The following NRXN1 variants were observed in gnomAD, a reference collection of about 807,000 sequenced individuals.
NRXN1 encodes the protein neurexin-1.
A neutral mutation model predicts 150.9 loss-of-function variants in NRXN1; 39 were observed. The observed-to-expected ratio is 0.26, with a 90% CI of 0.20 to 0.34. NRXN1 has a LOEUF of 0.34. NRXN1 is among the 10% of genes least tolerant of loss of function. The pLI is 1.00. For synonymous variants in NRXN1, 924 were observed against 757.0 expected, an observed-to-expected ratio of 1.22 and a Z score of -3.62; for missense variants, 1,815 against 1,949.9, an observed-to-expected ratio of 0.93 and a Z score of 1.30.
intron 18 of NRXN1, among the ~76,000 whole-genome samples, chr2:50,198,699 G>T (rs75501541): frequency 6.6e-6 from 1 of 151,828 alleles, no homozygotes; most frequent in African/African-American, 2.4e-5. Flanking sequence ...TCATTAAAGT[G>T]CAGGGATCCT....
chr2:50,690,940 G>A (rs1691986352), intron 5 of NRXN1, among the ~76,000 whole-genome samples: 1 of 152,126 alleles, frequency 6.6e-6, no homozygotes, highest in Non-Finnish European at 1.5e-5. Flanking sequence ...CCCTCATCGG[G>A]TACAACAGAT....
intron 5 of NRXN1, chr2:50,898,482 A>T: frequency 2.8e-6 from 1 of 358,464 alleles, no homozygotes; most frequent in Non-Finnish European, 5.4e-6. Flanking sequence ...AAGTTATCCT[A>T]CTATTGGTTA....
At chr2:50,293,811 A>T (rs2152947316) in intron 17 of NRXN1, among the ~76,000 whole-genome samples, 1 of 152,294 alleles carries the variant, frequency 6.6e-6, no homozygotes, top group East Asian at 1.9e-4. Context: ...ATTTGCTATA[A>T]TATCCCAAGT....
chr2:50,950,591 T>C (rs1189909068), intron 2 of NRXN1, among the ~76,000 whole-genome samples: 1 of 152,206 alleles, frequency 6.6e-6, no homozygotes, highest in African/African-American at 2.4e-5. Context: ...GACTATTCTG[T>C]GCATTTTAGA....
At chr2:50,297,755 G>A (rs1012421615) in intron 17 of NRXN1, among the ~76,000 whole-genome samples, 1 of 152,156 alleles carries the variant, frequency 6.6e-6, no homozygotes, top group Non-Finnish European at 1.5e-5. Context: ...CCATACAGGT[G>A]ATATAAAATG....
intron 21 of NRXN1, among the ~76,000 whole-genome samples, chr2:50,017,730 C>G (rs1686897283): frequency 6.8e-6 from 1 of 147,858 alleles, no homozygotes; most frequent in Non-Finnish European, 1.5e-5. Context: ...AATGACTCAT[C>G]AATTCATACA....
chr2:50,391,971 T>C lies in NRXN1; in HGVS notation c.3364+73471A>G, dbSNP rs568898726. ...ATTGACTTATTTTCATTTGTAAACA[T>C]CTCTGCAGATTAATTTTTGCTGCTA... is the stretch of plus-strand genomic sequence containing the variant. On this transcript the variant is annotated intron_variant, in intron 17 of 22. Coordinates refer to ENST00000401669, the MANE Select transcript of NRXN1 (RefSeq NM_001330078.2). Among the ~76,000 whole-genome samples, 19 of 152,308 alleles carry C rather than the reference T, an allele frequency of 1.2e-4. No homozygotes were observed. The South Asian group carries it at 3.9e-3, about 32-fold the overall frequency.
At chr2:50,859,088 C>G (rs1481015126) in intron 5 of NRXN1, among the ~76,000 whole-genome samples, 1 of 152,012 alleles carries the variant, frequency 6.6e-6, no homozygotes, top group Non-Finnish European at 1.5e-5. Flanking sequence ...GGTATTTGAA[C>G]CTAACGGCCT....
rs982620469 is a variant in NRXN1 at position 50,053,529 on chromosome 2, G to A, written c.3870C>T (p.Gly1290=). ...CAGAGAGCTGGCCCTGGAAGGGCTG[G>A]CCCTGCTCTTTCCCGCCAATTATTA... ...ATIIIGGKEQ[G]QPFQGQLSGL... The change falls in exon 21 of 23, where the codon GGC becomes GGT. Residue 1290 remains glycine (G), a synonymous_variant. Transcript: ENST00000401669. 1.2e-6 allele frequency: 2 copies of A among 1,614,072 alleles called. No homozygotes were observed. Among genetic ancestry groups the A allele is most frequent in the Non-Finnish European group, 1.7e-6 (2 of 1,179,938 alleles).
At chr2:50,456,558 C>G (rs1445549175) in intron 17 of NRXN1, among the ~76,000 whole-genome samples, 1 of 152,084 alleles carries the variant, frequency 6.6e-6, no homozygotes, top group African/African-American at 2.4e-5. Context: ...TTCAGGGAAG[C>G]AAAAGGGATC....
At chr2:50,583,755 C>T (rs528091076) in intron 8 of NRXN1, among the ~76,000 whole-genome samples, 1 of 152,282 alleles carries the variant, frequency 6.6e-6, no homozygotes, top group Non-Finnish European at 1.5e-5. Flanking sequence ...TTTGAAGACC[C>T]CGACCAGATG....
chr2:50,195,033 AT>A (rs2061672720), intron 18 of NRXN1, among the ~76,000 whole-genome samples: 1 of 152,138 alleles, frequency 6.6e-6, no homozygotes, highest in Non-Finnish European at 1.5e-5. Context: ...ACACAGATCG[AT>A]TTTCTGTGCC....
At chr2:50,690,280 A>G (rs1691885136) in intron 5 of NRXN1, among the ~76,000 whole-genome samples, 2 of 152,232 alleles carry the variant, frequency 1.3e-5, no homozygotes, top group South Asian at 4.1e-4. Context: ...ATAACCTGAA[A>G]TGCAAAATAT....
chr2:49,986,766 T>C (rs890664100), intron 21 of NRXN1, among the ~76,000 whole-genome samples: 8 of 152,164 alleles, frequency 5.3e-5, no homozygotes, highest in Non-Finnish European at 1.0e-4. Flanking sequence ...TTCTAGCTTT[T>C]TGAAAATATA....
chr2:50,712,608 T>C (rs750587628), intron 5 of NRXN1, among the ~76,000 whole-genome samples: 1 of 152,196 alleles, frequency 6.6e-6, no homozygotes, highest in Non-Finnish European at 1.5e-5. Flanking sequence ...TCACACAAAA[T>C]AGATGCCATC....
intron 17 of NRXN1, among the ~76,000 whole-genome samples, chr2:50,337,322 T>C (rs1211640155): frequency 1.3e-5 from 2 of 152,082 alleles, no homozygotes; most frequent in Non-Finnish European, 2.9e-5. Context: ...CGACCTCAAA[T>C]GATCTGCTCG....
intron 17 of NRXN1, among the ~76,000 whole-genome samples, chr2:50,436,089 A>G (rs1264044450): frequency 1.3e-5 from 2 of 152,200 alleles, no homozygotes; most frequent in Non-Finnish European, 2.9e-5. Flanking sequence ...AATTTTGAAA[A>G]AGAAGTCTAG....
intron 22 of NRXN1, among the ~76,000 whole-genome samples, chr2:49,933,313 C>T (rs1670464471): frequency 6.6e-6 from 1 of 152,062 alleles, no homozygotes; most frequent in African/African-American, 2.4e-5. Flanking sequence ...GTCTCGATCT[C>T]CTGATCTCAT....
intron 12 of NRXN1, among the ~76,000 whole-genome samples, chr2:50,523,010 C>G (rs920005241): frequency 1.3e-5 from 2 of 152,082 alleles, no homozygotes; most frequent in Admixed American, 6.5e-5. Context: ...GCTGGGATTA[C>G]AGGCGTGAGC....
Sources: gnomAD v4.1 joint callset for allele counts (sites outside exome capture counted in the v4.1 genomes callset) on GRCh38, gnomAD v4.1.1 for gene constraint, MANE v1.5 for transcripts, NCBI Gene and HGNC (gene_info 2026-07-23, HGNC 2026-07-21) for gene names.